ADAM18: variants seen among roughly 807,000 people sequenced by gnomAD.
ADAM18 encodes the protein ADAM metallopeptidase domain 18.
ADAM18 carries 117 observed loss-of-function variants against 94.4 expected under a neutral mutation model. The observed-to-expected ratio is 1.24, with a 90% CI of 1.07 to 1.45. ADAM18 has a LOEUF of 1.45. Ranked by LOEUF, ADAM18 falls within the 40% of genes most tolerant of loss-of-function variation. The pLI is 0.00. For missense variants in ADAM18, 936 were observed against 880.0 expected, an observed-to-expected ratio of 1.06 and a Z score of -0.81; for synonymous variants, 327 against 291.6, an observed-to-expected ratio of 1.12 and a Z score of -1.24.
chr8:39,692,375 C>G (rs1219345840), intron 16 of ADAM18, among the ~76,000 whole-genome samples: 5 of 151,466 alleles, frequency 3.3e-5, no homozygotes, highest in Non-Finnish European at 7.4e-5. Flanking sequence ...CATGTCAGGG[C>G]AAATGCTGTC....
chr8:39,611,345 A>T, intron 6 of ADAM18: 1 of 722,172 alleles, frequency 1.4e-6, no homozygotes, highest in Non-Finnish European at 1.7e-6. Flanking sequence ...CTTTGTGTTT[A>T]CCATACTTGG....
At chr8:39,649,373 CAT>C (rs1359573640) in intron 12 of ADAM18, among the ~76,000 whole-genome samples, 3 of 150,214 alleles carry the variant, frequency 2.0e-5, no homozygotes, top group East Asian at 2.0e-4. Flanking sequence ...TACACACACA[CAT>C]ACATGTATAT....
At chr8:39,653,079 G>A (rs528501619) in intron 12 of ADAM18, among the ~76,000 whole-genome samples, 1 of 152,116 alleles carries the variant, frequency 6.6e-6, no homozygotes, top group East Asian at 1.9e-4. Flanking sequence ...GAGATAGGAG[G>A]CATAAGTTCA....
intron 12 of ADAM18, among the ~76,000 whole-genome samples, chr8:39,656,325 A>G (rs1327888716): frequency 6.6e-6 from 1 of 152,162 alleles, no homozygotes; most frequent in Non-Finnish European, 1.5e-5. Flanking sequence ...GGAATCTAGA[A>G]TAGACCTACA....
chr8:39,603,011 C>T (rs1306710383), intron 2 of ADAM18, among the ~76,000 whole-genome samples: 1 of 151,012 alleles, frequency 6.6e-6, no homozygotes, highest in Non-Finnish European at 1.5e-5. Context: ...CATCTTTTTG[C>T]ATGTGGACAT....
chr8:39,620,723 A>G (rs994685661), intron 6 of ADAM18, among the ~76,000 whole-genome samples: 2 of 151,030 alleles, frequency 1.3e-5, no homozygotes, highest in Non-Finnish European at 3.0e-5. Context: ...AGATGAACTG[A>G]TTAACTGGAG....
intron 12 of ADAM18, among the ~76,000 whole-genome samples, chr8:39,661,129 C>A (rs7818277): frequency 0.63 from 92,667 of 146,878 alleles, 31,342 homozygotes; most frequent in Non-Finnish European, 0.76. Flanking sequence ...AAAAAAAAAC[C>A]AAAAAACAAC....
intron 6 of ADAM18, among the ~76,000 whole-genome samples, chr8:39,620,440 A>C (rs1008810134): frequency 6.7e-6 from 1 of 149,210 alleles, no homozygotes; most frequent in Non-Finnish European, 1.5e-5. Flanking sequence ...AACCAACCAA[A>C]CAAAAACACT....
At chr8:39,721,523 T>G (rs1019126408) in intron 18 of ADAM18, among the ~76,000 whole-genome samples, 3 of 151,294 alleles carry the variant, frequency 2.0e-5, no homozygotes, top group African/African-American at 7.3e-5. Context: ...ATCAACAAAG[T>G]ACTGTTATCC....
chr8:39,609,161 A>G, intron 4 of ADAM18, 41 bp downstream of exon 4: 2 of 1,234,772 alleles, frequency 1.6e-6, no homozygotes, highest in Non-Finnish European at 2.3e-6. Context: ...AAGTGGTTAT[A>G]TTATTACCAT....
At chr8:39,608,954 C>T (rs143630519) in intron 3 of ADAM18, 88 bp from the exon 4 acceptor site, 27 of 749,324 alleles carry the variant, frequency 3.6e-5, no homozygotes, top group African/African-American at 1.5e-4. Flanking sequence ...CTAATTAAAT[C>T]GTGTTATATA....
Position 39,674,293 on chromosome 8 carries a change from G to A in ADAM18, c.1526-3138G>A, listed in dbSNP as rs866377262. Among the ~76,000 whole-genome samples the A allele has an allele frequency of 2.6e-5, 4 of 152,118 alleles. No individual in the cohort carries two copies. In the South Asian group the frequency reaches 8.3e-4, roughly 32 times the overall value. On this transcript the variant is annotated intron_variant, in intron 14 of 19. Coordinates refer to ENST00000265707, the MANE Select transcript of ADAM18 (RefSeq NM_014237.3). ...GTAGGTCTCTAAGGACTTGGTTTAT[G>A]AATCTGGGTGCTCCTGTATTGGGTG... is the stretch of plus-strand genomic sequence containing the variant.
At chr8:39,584,770 C>G (rs1305226144) in intron 1 of ADAM18, 93 bp downstream of exon 1, 1 of 1,443,314 alleles carries the variant, frequency 6.9e-7, no homozygotes, top group East Asian at 2.3e-5. Context: ...GGGACCCTCC[C>G]CCTCTCCCTT....
intron 19 of ADAM18, among the ~76,000 whole-genome samples, chr8:39,725,208 C>CATTTGAT (rs1822869467): frequency 6.6e-6 from 1 of 151,954 alleles, no homozygotes; most frequent in Admixed American, 6.6e-5. Context: ...AATACGTATA[C>CATTTGAT]ATACTTAATA....
intron 6 of ADAM18, among the ~76,000 whole-genome samples, chr8:39,618,596 G>A (rs1474016418): frequency 1.3e-5 from 2 of 152,122 alleles, no homozygotes; most frequent in East Asian, 1.9e-4. Context: ...ATAGAAACAC[G>A]ACGTGAAGCT....
chr8:39,711,066 G>A (rs971272216), intron 18 of ADAM18, among the ~76,000 whole-genome samples: 1 of 152,104 alleles, frequency 6.6e-6, no homozygotes, highest in African/African-American at 2.4e-5. Flanking sequence ...TGTTTCCTTT[G>A]TTTTTTGGCT....
intron 7 of ADAM18, among the ~76,000 whole-genome samples, chr8:39,633,609 A>T (rs994426644): frequency 6.6e-6 from 1 of 152,156 alleles, no homozygotes; most frequent in Non-Finnish European, 1.5e-5. Context: ...TGGCTGAATT[A>T]TGCCCATGCC....
At chr8:39,700,410 C>G (rs1369613010) in intron 17 of ADAM18, among the ~76,000 whole-genome samples, 1 of 152,024 alleles carries the variant, frequency 6.6e-6, no homozygotes, top group African/African-American at 2.4e-5. Context: ...AAAGTAAACA[C>G]AAAAATTGAT....
chr8:39,619,580 C>G (rs910201258), intron 6 of ADAM18, among the ~76,000 whole-genome samples: 2 of 151,980 alleles, frequency 1.3e-5, no homozygotes, highest in Non-Finnish European at 2.9e-5. Context: ...AAAACAGTAT[C>G]ATTTCTATAT....
Sources: allele counts gnomAD v4.1 joint callset (sites outside exome capture counted in the v4.1 genomes callset), GRCh38; gene constraint gnomAD v4.1.1; transcripts MANE v1.5; gene names NCBI Gene and HGNC (gene_info 2026-07-23, HGNC 2026-07-21).